DNAJA3: variants seen among roughly 807,000 people sequenced by gnomAD.
The protein encoded by DNAJA3 is dnaJ homolog subfamily A member 3, mitochondrial.
Under a neutral mutation model 54.9 loss-of-function variants are expected in DNAJA3, and 29 were observed. That is an observed-to-expected ratio of 0.53 (90% CI 0.39 to 0.72). The LOEUF is 0.72. Among genes scored for constraint, DNAJA3 ranks in the 30% least tolerant of loss-of-function variants. DNAJA3 has a pLI of 0.00. For missense variants in DNAJA3, 708 were observed against 639.4 expected, an observed-to-expected ratio of 1.11 and a Z score of -1.16; for synonymous variants, 302 against 251.4, an observed-to-expected ratio of 1.20 and a Z score of -1.90.
Position 4,450,485 on chromosome 16 carries a change from C to A in DNAJA3, c.1327C>A (p.Leu443Ile). 6.2e-7 allele frequency: 1 copy of A among 1,608,060 alleles called. No homozygotes were observed. The highest frequency in any genetic ancestry group is 2.2e-5 in the East Asian group (1 of 44,670). ...DVEGTVNGVTLTSSGGSTMDS... is the reference protein window; with the variant it reads ...DVEGTVNGVTITSSGGSTMDS... ...GGAGGGGACGGTGAACGGCGTCACC[C>A]TCACCAGCTCTGGTAAGGAGTCTGA... The change falls in exon 10 of 12, where the codon CTC becomes ATC. Residue 443 changes from leucine (L) to isoleucine (I), a missense_variant. Transcript: ENST00000262375.
intron 10 of DNAJA3, among the ~76,000 whole-genome samples, chr16:4,450,729 C>T (rs1189083428): frequency 1.3e-5 from 2 of 152,202 alleles, no homozygotes; most frequent in Non-Finnish European, 2.9e-5. Context: ...GGTGAGAGCA[C>T]CAGGGCACTT....
In DNAJA3 at chr16:4,442,369, C is replaced by T. The variant is rs143637214; in HGVS notation, c.732C>T (p.Asn244=). 22 of 1,609,298 alleles carry T rather than the reference C, an allele frequency of 1.4e-5. No individual in the cohort carries two copies. The East Asian group carries it at 1.8e-4, about 13-fold the overall frequency. ...DTCERCNGKG[N]EPGTKVQHCH... is the part of the protein sequence containing the mutation. ...GTGAGCGCTGCAACGGCAAGGGGAACGAGCCCGGCACCAAGGTGCAGCATT... is the reference window on the plus strand; with the variant it reads ...GTGAGCGCTGCAACGGCAAGGGGAATGAGCCCGGCACCAAGGTGCAGCATT... The change falls in exon 5 of 12, where the codon AAC becomes AAT. Residue 244 remains asparagine, a synonymous_variant. Transcript: ENST00000262375.
intron 7 of DNAJA3, among the ~76,000 whole-genome samples, 195 bp from the exon 8 acceptor site, chr16:4,446,691 T>C (rs2056905519): frequency 1.3e-5 from 2 of 152,224 alleles, no homozygotes; most frequent in African/African-American, 2.4e-5. Context: ...TGTTGAAATA[T>C]GTAGAACATG....
rs746352069 is a variant in DNAJA3 at position 4,441,389 on chromosome 16, G to C, written c.444G>C (p.Glu148Asp). The change falls in exon 4 of 12, where the codon GAG (glutamate) becomes GAC (aspartate). Residue 148 changes from glutamate to aspartate, a missense_variant. Glu to Asp is a conservative substitution (Grantham distance 45). Transcript: ENST00000262375. Reference protein sequence around the residue: ...LAEAYEVLSDEVKRKQYDAYG... With the variant: ...LAEAYEVLSDDVKRKQYDAYG... ...TTTCACTGTAGGTTTTGAGTGATGA[G>C]GTGAAGAGGAAGCAGTACGATGCCT... is the stretch of plus-strand genomic sequence containing the variant. 6.2e-6 allele frequency: 10 copies of C among 1,613,342 alleles called. No homozygotes were observed. Among genetic ancestry groups the C allele is most frequent in the South Asian group, 1.1e-5 (1 of 91,036 alleles).
At chr16:4,439,802 C>T (rs946787044) in intron 3 of DNAJA3, among the ~76,000 whole-genome samples, 3 of 152,164 alleles carry the variant, frequency 2.0e-5, no homozygotes, top group Non-Finnish European at 4.4e-5. Context: ...TCCTTTGCAT[C>T]TTAACTGGGT....
At chr16:4,437,372 C>A (rs1445872235) in intron 2 of DNAJA3, 30 bp from the exon 3 acceptor site, 1 of 1,587,742 alleles carries the variant, frequency 6.3e-7, no homozygotes, top group African/African-American at 1.3e-5. Flanking sequence ...CACATTGTAT[C>A]TGGAGTAATT....
intron 8 of DNAJA3, 77 bp from the exon 9 acceptor site, chr16:4,448,656 A>G: frequency 1.5e-5 from 15 of 977,394 alleles, no homozygotes; most frequent in Non-Finnish European, 2.4e-5. Context: ...TCCTATCAAG[A>G]TTGTCTTCAT....
At chr16:4,431,429 A>G (rs964748157) in intron 1 of DNAJA3, among the ~76,000 whole-genome samples, 3 of 152,082 alleles carry the variant, frequency 2.0e-5, no homozygotes, top group Non-Finnish European at 4.4e-5. Context: ...TTTATTTCCT[A>G]TTTCTAATTT....
intron 6 of DNAJA3, among the ~76,000 whole-genome samples, chr16:4,443,843 C>T (rs1388201624): frequency 2.6e-5 from 4 of 152,158 alleles, no homozygotes; most frequent in Non-Finnish European, 4.4e-5. Flanking sequence ...CCTGCCACCA[C>T]ACCCAGCTAA....
At chr16:4,429,604 G>A (rs2056668852) in intron 1 of DNAJA3, among the ~76,000 whole-genome samples, 1 of 152,152 alleles carries the variant, frequency 6.6e-6, no homozygotes, top group Non-Finnish European at 1.5e-5. Flanking sequence ...GGAGGCCTAT[G>A]CGGGCGGATC....
chr16:4,435,420 C>T (rs1177204361), intron 2 of DNAJA3, among the ~76,000 whole-genome samples: 3 of 152,174 alleles, frequency 2.0e-5, no homozygotes, highest in African/African-American at 4.8e-5. Context: ...CCTGTCACCA[C>T]AGTCAACTTT....
intron 10 of DNAJA3, among the ~76,000 whole-genome samples, chr16:4,452,715 C>T (rs559911223): frequency 1.2e-4 from 18 of 152,274 alleles, no homozygotes; most frequent in African/African-American, 4.3e-4. Flanking sequence ...TCGAGACCAG[C>T]CTGGGCAATA....
intron 1 of DNAJA3, among the ~76,000 whole-genome samples, chr16:4,428,691 T>C (rs962099315): frequency 1.3e-5 from 2 of 152,172 alleles, no homozygotes; most frequent in Non-Finnish European, 2.9e-5. Flanking sequence ...TATCAGGTAG[T>C]GTACACAGGT....
intron 3 of DNAJA3, 23 bp from the exon 4 acceptor site, chr16:4,441,352 A>G (rs544171279): frequency 1.3e-6 from 2 of 1,599,942 alleles, no homozygotes; most frequent in African/African-American, 2.7e-5. Context: ...TGGGATGCCC[A>G]GTGGCTCTGC....
intron 3 of DNAJA3, chr16:4,440,988 ACCTTT>A (rs1806077721): frequency 4.7e-6 from 1 of 212,434 alleles, no homozygotes; most frequent in Admixed American, 5.2e-5. Flanking sequence ...CTTGCAGAAA[ACCTTT>A]CGATGAAGGT....
chr16:4,455,216 A>T (rs1390354964), intron 11 of DNAJA3, among the ~76,000 whole-genome samples: 2 of 152,146 alleles, frequency 1.3e-5, no homozygotes, highest in Non-Finnish European at 2.9e-5. Context: ...GCCCCCCTGC[A>T]GTGGTGGGTC....
At chr16:4,441,249 T>C (rs1257392781) in intron 3 of DNAJA3, 126 bp from the exon 4 acceptor site, 3 of 834,438 alleles carry the variant, frequency 3.6e-6, no homozygotes, top group East Asian at 2.6e-5. Flanking sequence ...CCCAACCTCA[T>C]AGGATGTGTT....
chr16:4,450,331 G>A (rs556527919), intron 9 of DNAJA3, 69 bp from the exon 10 acceptor site: 7 of 1,342,012 alleles, frequency 5.2e-6, no homozygotes, highest in African/African-American at 4.3e-5. Context: ...CGAGGGTGCT[G>A]GCTGCCTGTG....
intron 1 of DNAJA3, chr16:4,427,060 G>GGCAT (rs1189362640): frequency 6.6e-6 from 1 of 152,196 alleles, no homozygotes; most frequent in Non-Finnish European, 1.5e-5. Context: ...TGGAACTAGA[G>GGCAT]GCATGCGCCA....
Sources: gnomAD v4.1 joint callset for allele counts (sites outside exome capture counted in the v4.1 genomes callset) on GRCh38, gnomAD v4.1.1 for gene constraint, MANE v1.5 for transcripts, NCBI Gene and HGNC (gene_info 2026-07-23, HGNC 2026-07-21) for gene names.